Variants in ANKRD31 observed in about 807,000 individuals in gnomAD.
The protein encoded by ANKRD31 is ankyrin repeat domain-containing protein 31.
Under a neutral mutation model 186.0 loss-of-function variants are expected in ANKRD31, and 147 were observed. The ratio of observed to expected loss-of-function variants is 0.79; its 90% CI spans 0.69 to 0.91. The LOEUF is 0.91. Among genes scored for constraint, ANKRD31 ranks in the 40% least tolerant of loss-of-function variants. The pLI is 0.00. For missense variants in ANKRD31, 1,986 were observed against 2,148.8 expected, an observed-to-expected ratio of 0.92 and a Z score of 1.50; for synonymous variants, 673 against 736.4, an observed-to-expected ratio of 0.91 and a Z score of 1.39.
chr5:75,178,297 A>T (rs1374777248), intron 10 of ANKRD31, among the ~76,000 whole-genome samples: 1 of 152,124 alleles, frequency 6.6e-6, no homozygotes, highest in Non-Finnish European at 1.5e-5. Flanking sequence ...AGACTTTAAC[A>T]CCCCACTGTC....
intron 17 of ANKRD31, among the ~76,000 whole-genome samples, chr5:75,137,296 A>G (rs1750665848): frequency 6.6e-6 from 1 of 152,248 alleles, no homozygotes; most frequent in Non-Finnish European, 1.5e-5. Flanking sequence ...TCAAACAGAA[A>G]GATGAGTGTA....
chr5:75,149,928 C>T (rs955289891), intron 12 of ANKRD31, among the ~76,000 whole-genome samples: 2 of 151,858 alleles, frequency 1.3e-5, no homozygotes, highest in Non-Finnish European at 2.9e-5. Context: ...GAAGGAAGAA[C>T]AGGGCTTTAT....
At chr5:75,129,574 T>C (rs529841265) in intron 17 of ANKRD31, among the ~76,000 whole-genome samples, 2 of 152,316 alleles carry the variant, frequency 1.3e-5, no homozygotes, top group South Asian at 4.1e-4. Flanking sequence ...GATAGATAAA[T>C]AGGTATCAAT....
intron 22 of ANKRD31, among the ~76,000 whole-genome samples, chr5:75,098,659 T>C (rs141196464): frequency 0.026 from 3,975 of 152,232 alleles, 157 homozygotes; most frequent in African/African-American, 0.09. Flanking sequence ...CCCTTGTAAG[T>C]TGGATTTCTA....
intron 23 of ANKRD31, 88 bp downstream of exon 23, chr5:75,091,173 C>A (rs921829787): frequency 7.2e-7 from 1 of 1,395,606 alleles, no homozygotes; most frequent in African/African-American, 1.4e-5. Context: ...GGAGATCTTT[C>A]AGATTTCCTT....
intron 17 of ANKRD31, among the ~76,000 whole-genome samples, chr5:75,120,654 A>T (rs1748688406): frequency 6.6e-6 from 1 of 152,190 alleles, no homozygotes; most frequent in South Asian, 2.1e-4. Context: ...AGCATAGCAT[A>T]AAGAAAAAAC....
intron 11 of ANKRD31, among the ~76,000 whole-genome samples, chr5:75,161,035 C>T (rs1213106503): frequency 6.6e-6 from 1 of 152,050 alleles, no homozygotes; most frequent in Admixed American, 6.6e-5. Context: ...CAAACTAAAA[C>T]AGTAAATTGG....
intron 6 of ANKRD31, among the ~76,000 whole-genome samples, chr5:75,196,865 C>T (rs1291722904): frequency 6.6e-6 from 1 of 151,986 alleles, no homozygotes; most frequent in Non-Finnish European, 1.5e-5. Context: ...ATAGGTTATA[C>T]CTGTTCTCAC....
intron 10 of ANKRD31, among the ~76,000 whole-genome samples, chr5:75,183,413 T>C (rs1114161): frequency 0.24 from 35,924 of 151,950 alleles, 5,997 homozygotes; most frequent in African/African-American, 0.48. Context: ...GAAATCCTAG[T>C]GAGAGAAATT....
At chr5:75,120,254 G>A (rs997568238) in intron 17 of ANKRD31, among the ~76,000 whole-genome samples, 13 of 152,050 alleles carry the variant, frequency 8.5e-5, no homozygotes, top group Admixed American at 7.9e-4. Context: ...AATTAGCTGG[G>A]TGTGGTGGCA....
intron 23 of ANKRD31, among the ~76,000 whole-genome samples, chr5:75,086,957 G>T (rs961283070): frequency 6.6e-6 from 1 of 152,214 alleles, no homozygotes; most frequent in African/African-American, 2.4e-5. Flanking sequence ...TTCTGGAAAT[G>T]TAGTTAATGA....
At chr5:75,193,280 C>A in intron 8 of ANKRD31, 31 bp downstream of exon 8, 3 of 1,527,404 alleles carry the variant, frequency 2.0e-6, no homozygotes, top group Non-Finnish European at 2.6e-6. Flanking sequence ...TATAGCATAC[C>A]TGGAGATAAA....
chr5:75,088,807 A>T (rs1026158382), intron 23 of ANKRD31, among the ~76,000 whole-genome samples: 1 of 152,220 alleles, frequency 6.6e-6, no homozygotes, highest in Non-Finnish European at 1.5e-5. Context: ...CCTGCCTGAT[A>T]AAGTTGTTGC....
intron 15 of ANKRD31, among the ~76,000 whole-genome samples, chr5:75,140,185 C>A (rs1408828364): frequency 4.1e-5 from 6 of 145,864 alleles, no homozygotes; most frequent in African/African-American, 1.5e-4. Flanking sequence ...GCCTGGGCAA[C>A]AGAGATACAC....
At chr5:75,076,525 A>G (rs1009574167) in intron 25 of ANKRD31, among the ~76,000 whole-genome samples, 1 of 152,206 alleles carries the variant, frequency 6.6e-6, no homozygotes, top group Non-Finnish European at 1.5e-5. Context: ...TGATGTGTTC[A>G]CCAACCCAGA....
chr5:75,159,900 C>T (rs191294345), intron 11 of ANKRD31, among the ~76,000 whole-genome samples: 4 of 152,086 alleles, frequency 2.6e-5, no homozygotes, highest in Admixed American at 1.3e-4. Flanking sequence ...TATTGTATTA[C>T]AAGGCCTATA....
At chr5:75,120,730 T>C (rs1748695701) in intron 17 of ANKRD31, among the ~76,000 whole-genome samples, 1 of 152,020 alleles carries the variant, frequency 6.6e-6, no homozygotes, top group South Asian at 2.1e-4. Flanking sequence ...AAACAACTAG[T>C]GATAACAACA....
rs1439162688 is a variant in ANKRD31 at position 75,104,652 on chromosome 5, G to A, written c.4907C>T (p.Ser1636Phe). Reference protein sequence around the residue: ...TDKDHEFYVSSPVIGKLNISE... With the variant: ...TDKDHEFYVSFPVIGKLNISE... The stretch of plus-strand genomic sequence containing the variant: ...AATATTTAATTTGCCGATTACTGGG[G>A]AAGAAACATAGAATTCATGGTCTTT... The change falls in exon 22 of 26, where the codon TCC (serine) becomes TTC (phenylalanine). Residue 1636 changes from serine (S) to phenylalanine (F), a missense_variant. Transcript: ENST00000506364. 4 of 1,536,050 alleles carry A rather than the reference G, an allele frequency of 2.6e-6. No homozygotes were observed. The highest frequency in any genetic ancestry group is 3.5e-6 in the Non-Finnish European group (4 of 1,146,466).
rs773662465 is a variant in ANKRD31, at chr5:75,104,821, C to A, written c.4738G>T (p.Gly1580Cys). 9.8e-6 allele frequency: 15 copies of A among 1,537,198 alleles called. No individual in the cohort carries two copies. The East Asian group carries it at 3.2e-4, about 33-fold the overall frequency. Residue 1580 changes from glycine to cysteine, a missense_variant, in exon 22 of 26, where the codon GGC becomes TGC. By Grantham distance (159) the Gly-to-Cys change is radical. Coordinates refer to ENST00000506364, the MANE Select transcript of ANKRD31 (RefSeq NM_001372053.1). ...SGNDMNSKQN[G>C]SDCTLDGFPK... ...AAACCATCCAAGGTACAATCACTGCCATTTTGTTTAGAATTCATATCATTT... is the reference window on the plus strand; with the variant it reads ...AAACCATCCAAGGTACAATCACTGCAATTTTGTTTAGAATTCATATCATTT...
Sources: allele counts gnomAD v4.1 joint callset (sites outside exome capture counted in the v4.1 genomes callset), GRCh38; gene constraint gnomAD v4.1.1; transcripts MANE v1.5; gene names NCBI Gene and HGNC (gene_info 2026-07-23, HGNC 2026-07-21).